Variants in PARD3B observed in about 807,000 individuals in gnomAD.
PARD3B encodes par-3 family cell polarity regulator beta.
Under a neutral mutation model 130.2 loss-of-function variants are expected in PARD3B, and 103 were observed. That is an observed-to-expected ratio of 0.79 (90% confidence interval 0.67 to 0.93). The LOEUF is 0.93. Among genes scored for constraint, PARD3B ranks in the 40% least tolerant of loss-of-function variants. The probability of loss-of-function intolerance (pLI) is 0.00; values close to 1 mark genes in which losing one functional copy is unlikely to be tolerated. For synonymous variants in PARD3B, 583 were observed against 553.2 expected (o/e 1.05, Z -0.76); for missense variants, 1,609 against 1,499.2 (o/e 1.07, Z -1.21).
intron 4 of PARD3B, among the ~76,000 whole-genome samples, chr2:205,067,008 G>A (rs1249034131): frequency 7.0e-6 from 1 of 143,764 alleles, no homozygotes; most frequent in Non-Finnish European, 1.5e-5. Flanking sequence ...GGAAAGGGAA[G>A]TAAGATGAAA....
At chr2:205,511,176 G>A (rs1007036716) in intron 21 of PARD3B, among the ~76,000 whole-genome samples, 4 of 151,992 alleles carry the variant, frequency 2.6e-5, no homozygotes, top group African/African-American at 9.7e-5. Context: ...CAATAATATT[G>A]AACCAAAATC....
chr2:204,820,386 G>T (rs956307521), intron 2 of PARD3B, among the ~76,000 whole-genome samples: 18 of 151,266 alleles, frequency 1.2e-4, no homozygotes, highest in Admixed American at 1.1e-3. Flanking sequence ...CTAAACAACA[G>T]ATTTTTATGT....
intron 10 of PARD3B, among the ~76,000 whole-genome samples, chr2:205,145,762 C>T (rs983974413): frequency 1.3e-5 from 2 of 149,070 alleles, no homozygotes; most frequent in African/African-American, 2.5e-5. Flanking sequence ...ACCCTGCATA[C>T]TCTGTCTCCC....
At chr2:205,521,337 C>T (rs79523045) in intron 21 of PARD3B, among the ~76,000 whole-genome samples, 4,953 of 152,040 alleles carry the variant, frequency 0.033, 165 homozygotes, top group South Asian at 0.13. Flanking sequence ...ATGTTTGCCT[C>T]TGTCACTCCT....
intron 1 of PARD3B, among the ~76,000 whole-genome samples, chr2:204,591,358 C>T (rs1019191493): frequency 2.0e-5 from 3 of 152,274 alleles, no homozygotes; most frequent in Middle Eastern, 3.4e-3. Context: ...AGTCTTTGGC[C>T]AACCTCTGAC....
intron 4 of PARD3B, among the ~76,000 whole-genome samples, chr2:205,068,721 A>C (rs6725905): frequency 0.35 from 52,671 of 151,998 alleles, 9,480 homozygotes; most frequent in East Asian, 0.52. Flanking sequence ...CTAATTTTTG[A>C]TGCACAATAT....
chr2:204,638,759 A>C (rs2034976152), intron 1 of PARD3B, among the ~76,000 whole-genome samples: 1 of 152,230 alleles, frequency 6.6e-6, no homozygotes, highest in South Asian at 2.1e-4. Context: ...TAAATGCTTT[A>C]TCATAGGATA....
chr2:205,279,070 C>CAAAAA (rs57717513), intron 16 of PARD3B, among the ~76,000 whole-genome samples: 2,261 of 38,824 alleles, frequency 0.058, 681 homozygotes, highest in Middle Eastern at 0.12. Context: ...GAATCTGTCT[C>CAAAAA]AAAAAAAAAA....
Position 204,589,389 on chromosome 2 carries a change from G to A in PARD3B, c.120+43270G>A, listed in dbSNP as rs149245557. 1.2e-3 allele frequency among the ~76,000 whole-genome samples: 188 copies of A among 152,280 alleles called. 2 individuals are homozygous for A. The highest frequency in any genetic ancestry group is 7.9e-4 in the Non-Finnish European group (54 of 68,020). On this transcript the variant is annotated intron_variant, in intron 1 of 22. Coordinates refer to ENST00000406610, the MANE Select transcript of PARD3B (RefSeq NM_001302769.2). ...TCAAATAGGACAAAGTCACTAACAGGCCTCAAATGTCACTGTGCCGATTTT... is the reference window on the plus strand; with the variant it reads ...TCAAATAGGACAAAGTCACTAACAGACCTCAAATGTCACTGTGCCGATTTT...
At chr2:204,738,299 A>G (rs947691325) in intron 2 of PARD3B, among the ~76,000 whole-genome samples, 1 of 151,942 alleles carries the variant, frequency 6.6e-6, no homozygotes, top group Non-Finnish European at 1.5e-5. Flanking sequence ...CGCATTACAT[A>G]TGTTCTTAGG....
rs142662519 is a variant in PARD3B, at chr2:204,675,324, A to C, written c.121-10857A>C. Among the ~76,000 whole-genome samples, 376 of 152,174 alleles carry C rather than the reference A, an allele frequency of 2.5e-3. No homozygotes were observed. Among genetic ancestry groups the C allele is most frequent in the Non-Finnish European group, 3.8e-3 (258 of 68,006 alleles). ...TATTTGCATCAATTATGCATTAAAT[A>C]TCTTTAATTTTTTTTAATTTCAGAC... is the stretch of plus-strand genomic sequence containing the variant. On this transcript the variant is annotated intron_variant, in intron 1 of 22. Transcript: ENST00000406610. This position sits in a 1 kb window ranked among gnomAD's most constrained non-coding sequence, Gnocchi z 4.4.
chr2:205,536,542 G>A (rs1027204974), intron 21 of PARD3B, among the ~76,000 whole-genome samples: 1 of 152,170 alleles, frequency 6.6e-6, no homozygotes, highest in Non-Finnish European at 1.5e-5. Flanking sequence ...ATCATCACCT[G>A]ATCAGTAACT....
At chr2:204,980,705 AATT>A (rs1300625981) in intron 3 of PARD3B, among the ~76,000 whole-genome samples, 1 of 152,170 alleles carries the variant, frequency 6.6e-6, no homozygotes, top group African/African-American at 2.4e-5. Context: ...AACAAGCCCA[AATT>A]GAGGAACATT....
intron 3 of PARD3B, among the ~76,000 whole-genome samples, chr2:205,046,449 A>G (rs1443461066): frequency 6.6e-6 from 1 of 151,472 alleles, no homozygotes; most frequent in Non-Finnish European, 1.5e-5. Flanking sequence ...TTGTGTCCTA[A>G]GTAGCATGTT....
At chr2:205,507,403 A>G (rs2050414914) in intron 21 of PARD3B, among the ~76,000 whole-genome samples, 1 of 151,558 alleles carries the variant, frequency 6.6e-6, no homozygotes, top group Admixed American at 6.6e-5. Context: ...TTTAGTAGAG[A>G]CGGGGTTTCA....
At chr2:204,856,456 C>T (rs74344363) in intron 2 of PARD3B, among the ~76,000 whole-genome samples, 2,611 of 152,138 alleles carry the variant, frequency 0.017, 70 homozygotes, top group African/African-American at 0.058. Context: ...ATCAGATGGA[C>T]GGTTTGCAAA....
At chr2:204,965,476 C>T (rs13313783) in intron 3 of PARD3B, among the ~76,000 whole-genome samples, 153 bp downstream of exon 3, 3,087 of 152,200 alleles carry the variant, frequency 0.02, 104 homozygotes, top group African/African-American at 0.07. Context: ...TAGCTCTTTG[C>T]AGCCACTGCT....
chr2:204,875,796 A>G (rs1273714276), intron 2 of PARD3B, among the ~76,000 whole-genome samples: 1 of 152,216 alleles, frequency 6.6e-6, no homozygotes, highest in African/African-American at 2.4e-5. Context: ...AGGTAGGATT[A>G]AGAAGGCGGC....
chr2:204,671,633 T>C (rs190340206), intron 1 of PARD3B, among the ~76,000 whole-genome samples: 8 of 152,284 alleles, frequency 5.3e-5, no homozygotes, highest in African/African-American at 1.9e-4. Flanking sequence ...TCCATGAAGA[T>C]AGAGTTTATG....
Sources: gnomAD v4.1 joint callset for allele counts (sites outside exome capture counted in the v4.1 genomes callset) on GRCh38, gnomAD v4.1.1 for gene constraint, Gnocchi (gnomAD v3.1) non-coding constraint, MANE v1.5 for transcripts, NCBI Gene and HGNC (gene_info 2026-07-23, HGNC 2026-07-21) for gene names.